Variants in NAT2 observed in about 807,000 individuals in gnomAD.
NAT2 encodes N-acetyltransferase 2.
For missense variants in NAT2, 428 were observed against 339.1 expected (o/e 1.26, Z -2.06); for synonymous variants, 137 against 125.9 (o/e 1.09, Z -0.59).
At chr8:18,397,200 G>T (rs1168998726) in intron 1 of NAT2, among the ~76,000 whole-genome samples, 1 of 152,026 alleles carries the variant, frequency 6.6e-6, no homozygotes, top group African/African-American at 2.4e-5. Context: ...TATAAAGTCT[G>T]TCAAAGACAT....
intron 1 of NAT2, among the ~76,000 whole-genome samples, chr8:18,395,586 A>G (rs117812655): frequency 1.3e-5 from 2 of 152,152 alleles, no homozygotes; most frequent in African/African-American, 4.8e-5. Flanking sequence ...AGGGGACTTA[A>G]TATCAAAAAA....
At chr8:18,395,012 ACT>A (rs1396821269) in intron 1 of NAT2, among the ~76,000 whole-genome samples, 1 of 152,176 alleles carries the variant, frequency 6.6e-6, no homozygotes, top group African/African-American at 2.4e-5. Flanking sequence ...AAAAATTTTG[ACT>A]CTGAAAAACA....
upstream of NAT2, among the ~76,000 whole-genome samples, chr8:18,386,449 G>C (rs1426691556): frequency 6.6e-6 from 1 of 152,078 alleles, no homozygotes; most frequent in African/African-American, 2.4e-5. Context: ...GGGCTACTAA[G>C]GCAGATAAAA....
At chr8:18,399,941 C>A in intron 1 of NAT2, 57 bp from the exon 2 acceptor site, 1 of 1,495,870 alleles carries the variant, frequency 6.7e-7, no homozygotes, top group Non-Finnish European at 9.0e-7. Context: ...ATTAGTCACA[C>A]GAGGAAATCA....
upstream of NAT2, among the ~76,000 whole-genome samples, chr8:18,386,836 G>A (rs1800512540): frequency 3.9e-5 from 6 of 152,184 alleles, no homozygotes; most frequent in South Asian, 1.2e-3. Flanking sequence ...GGGTCTGAAG[G>A]ATCTGCGCCC....
intron 1 of NAT2, among the ~76,000 whole-genome samples, chr8:18,399,420 A>G (rs923621078): frequency 3.9e-5 from 6 of 152,166 alleles, no homozygotes; most frequent in Non-Finnish European, 7.4e-5. Flanking sequence ...ATTAAAATAT[A>G]ATATTTTTGA....
intron 1 of NAT2, among the ~76,000 whole-genome samples, chr8:18,399,052 A>C (rs917642693): frequency 3.9e-5 from 6 of 152,186 alleles, no homozygotes; most frequent in African/African-American, 1.4e-4. Flanking sequence ...CATTGGCTCC[A>C]AGGCCACTGT....
At chr8:18,396,766 A>G (rs1800699800) in intron 1 of NAT2, among the ~76,000 whole-genome samples, 1 of 152,200 alleles carries the variant, frequency 6.6e-6, no homozygotes, top group Non-Finnish European at 1.5e-5. Context: ...AGCTATCTGT[A>G]AAAAAATACG....
chr8:18,401,030 A>G lies in NAT2; in HGVS notation c.*154A>G. 1.9e-6 allele frequency: 1 copy of G among 524,432 alleles called. No individual in the cohort carries two copies. Among genetic ancestry groups the G allele is most frequent in the Non-Finnish European group, 3.2e-6 (1 of 314,626 alleles). 32.5% of individuals were successfully genotyped at this position (524,432 alleles called of 1,614,324 possible). On this transcript the variant is annotated 3_prime_UTR_variant, in exon 2 of 2. Transcript: ENST00000286479. ...CCATAAAAATGTCAGCATTTATTAA[A>G]AAACAATAACTTTTTAAAGAAACAT...
rs767808688 is a variant in NAT2 at position 18,391,283 on chromosome 8, C to T, written c.-69C>T. ...CTTGCAGACTTTGGAAGGGAGAGCA[C>T]TTTATTACAGACCTTGGAAGCAAGA... On this transcript the variant is annotated 5_prime_UTR_variant, in exon 1 of 2. Transcript: ENST00000286479. The T allele has an allele frequency of 2.0e-5, 3 of 152,034 alleles. No homozygotes were observed. Among genetic ancestry groups the T allele is most frequent in the Admixed American group, 6.6e-5 (1 of 15,250 alleles). 9.4% of individuals were successfully genotyped at this position (152,034 alleles called of 1,614,324 possible).
chr8:18,400,849 A>C lies in NAT2; in HGVS notation c.846A>C (p.Lys282Asn). 3.7e-6 allele frequency: 6 copies of C among 1,603,158 alleles called. No homozygotes were observed. Among genetic ancestry groups the C allele is most frequent in the Non-Finnish European group, 4.3e-6 (5 of 1,176,418 alleles). ...KISLGRNLVP[K>N]PGDGSLTI is the part of the protein sequence containing the mutation. ...CCTTGGGGAGAAATCTCGTGCCCAA[A>C]CCTGGTGATGGATCCCTTACTATTT... The change falls in exon 2 of 2, where the codon AAA becomes AAC. Residue 282 changes from lysine to asparagine, a missense_variant. Coordinates refer to ENST00000286479, the MANE Select transcript of NAT2 (RefSeq NM_000015.3).
chr8:18,389,118 C>A (rs1053426208), upstream of NAT2, among the ~76,000 whole-genome samples: 5 of 152,168 alleles, frequency 3.3e-5, no homozygotes, highest in African/African-American at 9.7e-5. Flanking sequence ...GGATCTCTGT[C>A]AAACTGACAA....
chr8:18,398,742 AG>A (rs1800737497), intron 1 of NAT2, among the ~76,000 whole-genome samples: 1 of 152,178 alleles, frequency 6.6e-6, no homozygotes, highest in African/African-American at 2.4e-5. Flanking sequence ...CCCAGCTTCT[AG>A]CCTTGCAGCA....
upstream of NAT2, among the ~76,000 whole-genome samples, chr8:18,386,672 C>T (rs562673351): frequency 6.6e-6 from 1 of 152,174 alleles, no homozygotes; most frequent in South Asian, 2.1e-4. Flanking sequence ...CCTGTGAACA[C>T]GGGCAGGGGA....
chr8:18,386,910 G>C (rs1297627151), upstream of NAT2, among the ~76,000 whole-genome samples: 1 of 152,202 alleles, frequency 6.6e-6, no homozygotes, highest in Non-Finnish European at 1.5e-5. Context: ...TCACAACTCA[G>C]GTGAGCAAGA....
At chr8:18,390,829 G>C (rs1207686374), upstream of NAT2, among the ~76,000 whole-genome samples, 1 of 152,178 alleles carries the variant, frequency 6.6e-6, no homozygotes, top group East Asian at 1.9e-4. Flanking sequence ...AAGTGAATGA[G>C]AGTGAGGATG....
chr8:18,390,454 A>G (rs1446565879), upstream of NAT2, among the ~76,000 whole-genome samples: 11 of 152,326 alleles, frequency 7.2e-5, no homozygotes, highest in African/African-American at 2.4e-4. Flanking sequence ...AAGAGATGAT[A>G]AATGTTTGAG....
At chr8:18,394,236 G>A (rs1800643836) in intron 1 of NAT2, among the ~76,000 whole-genome samples, 2 of 152,162 alleles carry the variant, frequency 1.3e-5, no homozygotes, top group African/African-American at 4.8e-5. Flanking sequence ...GCAGGAACAG[G>A]CCATTTTCCC....
rs542797628 is a variant in NAT2, at chr8:18,399,929, T to C, written c.-6-69T>C. ...ACGTATTTAAAATACGTTATACCTA[T>C]AATTAGTCACACGAGGAAATCAAAT... On this transcript the variant is annotated intron_variant, in intron 1 of 1. Coordinates refer to ENST00000286479, the MANE Select transcript of NAT2 (RefSeq NM_000015.3). 4.4e-4 allele frequency: 648 copies of C among 1,465,068 alleles called. 7 individuals are homozygous for C. In the South Asian group the frequency reaches 6.6e-3, roughly 15 times the overall value. The allele number at this position is 1,465,068 out of a possible 1,614,324, so 90.8% of individuals were successfully genotyped here.
Sources: gnomAD v4.1 joint callset for allele counts (sites outside exome capture counted in the v4.1 genomes callset) on GRCh38, gnomAD v4.1.1 for gene constraint, MANE v1.5 for transcripts, NCBI Gene and HGNC (gene_info 2026-07-23, HGNC 2026-07-21) for gene names.